The following KAZN variants were observed in gnomAD, a reference collection of about 807,000 sequenced individuals.
The protein encoded by KAZN is kazrin, periplakin interacting protein, also known as kazrin.
KAZN carries 40 observed loss-of-function variants against 87.4 expected under a neutral mutation model. That is an observed-to-expected ratio of 0.46 (90% confidence interval 0.36 to 0.60). The LOEUF (loss-of-function observed/expected upper bound fraction) is 0.60, where lower values mean the gene tolerates loss of function less well. KAZN is among the 20% of genes least tolerant of loss of function. The pLI is 0.00. For synonymous variants in KAZN, 466 were observed against 458.3 expected (o/e 1.02, Z -0.22); for missense variants, 898 against 1,073.9 (o/e 0.84, Z 2.29).
chr1:14,102,324 G>T (rs1244593903), intron 1 of KAZN, among the ~76,000 whole-genome samples: 2 of 152,124 alleles, frequency 1.3e-5, no homozygotes, highest in East Asian at 1.9e-4. Flanking sequence ...AAAAAAATGG[G>T]TGATCCTAGT....
chr1:14,365,049 C>CT lies in KAZN; in HGVS notation c.249+184469dup, dbSNP rs767980402. Among the ~76,000 whole-genome samples, 1,306 of 144,118 alleles carry CT rather than the reference C, an allele frequency of 9.1e-3. 7 individuals carry two copies. The highest frequency in any genetic ancestry group is 0.018 in the South Asian group (81 of 4,514). 94.5% of individuals were successfully genotyped at this position (144,118 alleles called of 152,430 possible). On this transcript the variant is annotated intron_variant, in intron 2 of 16. Transcript: ENST00000636203. ...TGAGCCACCATGCCCGGCCCCCTCT[C>CT]TTTTTTTTTTTTGTGACGGAGTCTC...
intron 1 of KAZN, among the ~76,000 whole-genome samples, chr1:14,170,728 AT>A (rs57615340): frequency 7.9e-5 from 12 of 151,308 alleles, no homozygotes; most frequent in Non-Finnish European, 1.3e-4. Context: ...TTCTGTAATT[AT>A]TTTTTTTTCT....
At chr1:14,030,966 C>T (rs1167121924) in intron 1 of KAZN, among the ~76,000 whole-genome samples, 1 of 152,158 alleles carries the variant, frequency 6.6e-6, no homozygotes. Context: ...ATTTTAAGGT[C>T]ATGAATTTCT....
chr1:14,720,005 G>A (rs1184684864), intron 1 of KAZN, among the ~76,000 whole-genome samples: 1 of 152,158 alleles, frequency 6.6e-6, no homozygotes, highest in Non-Finnish European at 1.5e-5. Context: ...GGACAGGAGG[G>A]CAGCAAGCTA....
chr1:14,539,671 C>A (rs897408200), intron 2 of KAZN, among the ~76,000 whole-genome samples: 1 of 151,712 alleles, frequency 6.6e-6, no homozygotes, highest in Admixed American at 6.6e-5. Flanking sequence ...CATGATATTG[C>A]AGTGTGTATC....
rs773982050 is a variant in KAZN, at chr1:15,114,662, C to A, written c.*27C>A. 1.4e-5 allele frequency: 22 copies of A among 1,558,886 alleles called. No homozygotes were observed. The African/African-American group carries it at 2.9e-4, about 20-fold the overall frequency. Reference sequence around the variant, plus strand: ...GAACTGGTGGCTCCACCAGACCCAACGTGAGAGACCCAGGAAGGAAGAGAA... The same window carrying A: ...GAACTGGTGGCTCCACCAGACCCAAAGTGAGAGACCCAGGAAGGAAGAGAA... On this transcript the variant is annotated 3_prime_UTR_variant, in exon 15 of 15. Transcript: ENST00000376030.
intron 11 of KAZN, among the ~76,000 whole-genome samples, chr1:15,102,146 G>A (rs1198421760): frequency 6.6e-6 from 1 of 152,154 alleles, no homozygotes; most frequent in Non-Finnish European, 1.5e-5. Context: ...GATTGTCCCA[G>A]TGAGGGAAGC....
chr1:14,834,002 CACACACAT>C (rs151052677), intron 1 of KAZN, among the ~76,000 whole-genome samples: 3,037 of 142,396 alleles, frequency 0.021, 63 homozygotes, highest in Non-Finnish European at 0.029. Context: ...CACACACACA[CACACACAT>C]ACACACACAT....
intron 2 of KAZN, among the ~76,000 whole-genome samples, chr1:15,012,481 G>T (rs1669673765): frequency 6.6e-6 from 1 of 152,172 alleles, no homozygotes; most frequent in Non-Finnish European, 1.5e-5. Flanking sequence ...ACACCTGGAG[G>T]CAGAAAAAGT....
At chr1:14,383,869 G>T (rs915474098) in intron 2 of KAZN, among the ~76,000 whole-genome samples, 2 of 152,130 alleles carry the variant, frequency 1.3e-5, no homozygotes, top group African/African-American at 2.4e-5. Flanking sequence ...TTGGTAGCTT[G>T]ATGGGGATGG....
chr1:14,999,575 T>TA, intron 2 of KAZN, among the ~76,000 whole-genome samples: 1 of 150,404 alleles, frequency 6.6e-6, no homozygotes, highest in Admixed American at 6.6e-5. Flanking sequence ...CTTTGGCTGC[T>TA]ACCTCGGAGG....
intron 2 of KAZN, among the ~76,000 whole-genome samples, chr1:14,477,509 G>T (rs1668818382): frequency 6.6e-6 from 1 of 150,520 alleles, no homozygotes; most frequent in African/African-American, 2.5e-5. Flanking sequence ...TTTCATCAGG[G>T]CAAATTATTT....
At chr1:14,104,699 G>A (rs1293870981) in intron 1 of KAZN, among the ~76,000 whole-genome samples, 1 of 152,112 alleles carries the variant, frequency 6.6e-6, no homozygotes. Flanking sequence ...CAACCTCATG[G>A]CTATTCTGTT....
intron 2 of KAZN, among the ~76,000 whole-genome samples, chr1:14,587,033 A>G (rs1467696553): frequency 5.3e-5 from 8 of 152,198 alleles, no homozygotes; most frequent in Admixed American, 3.3e-4. Context: ...ATTTTTCCCA[A>G]TGGTAAAGCT....
At chr1:14,373,745 G>C (rs1315038543) in intron 2 of KAZN, among the ~76,000 whole-genome samples, 2 of 152,132 alleles carry the variant, frequency 1.3e-5, no homozygotes, top group Admixed American at 6.5e-5. Flanking sequence ...GCCTGGAGTG[G>C]TGTGTTCCTT....
In KAZN at chr1:14,717,783, C is replaced by A. The variant is rs377577753; in HGVS notation, c.226+118560C>A. ...AAGGGGAAACTGAGGCCCAAGAGGG[C>A]AGTTTGTCCTGGACCTCACAGCTGG... On this transcript the variant is annotated intron_variant, in intron 1 of 14. Transcript: ENST00000376030. Among the ~76,000 whole-genome samples, 72 of 152,300 alleles carry A rather than the reference C, an allele frequency of 4.7e-4. 1 individual carries two copies. Among genetic ancestry groups the A allele is most frequent in the African/African-American group, 1.6e-3 (67 of 41,558 alleles).
chr1:13,903,517 A>G (rs1162114886), intron 1 of KAZN, among the ~76,000 whole-genome samples: 1 of 152,246 alleles, frequency 6.6e-6, no homozygotes, highest in Non-Finnish European at 1.5e-5. Flanking sequence ...GGGGACTCCC[A>G]TCGAAGGACA....
At chr1:14,639,996 C>T (rs150626950) in intron 1 of KAZN, among the ~76,000 whole-genome samples, 4 of 152,226 alleles carry the variant, frequency 2.6e-5, no homozygotes, top group East Asian at 3.9e-4. Context: ...GGCTCAGCAA[C>T]GCTAGGTGGT....
At chr1:14,512,226 T>C (rs1049641149) in intron 2 of KAZN, among the ~76,000 whole-genome samples, 4 of 152,172 alleles carry the variant, frequency 2.6e-5, no homozygotes, top group African/African-American at 9.7e-5. Flanking sequence ...GGCCGCATGT[T>C]AATTTGGAGG....
Sources: gnomAD v4.1 joint callset for allele counts (sites outside exome capture counted in the v4.1 genomes callset) on GRCh38, gnomAD v4.1.1 for gene constraint, MANE v1.5 for transcripts, NCBI Gene and HGNC (gene_info 2026-07-23, HGNC 2026-07-21) for gene names.